CNTN5: variants seen among roughly 807,000 people sequenced by gnomAD.
The protein encoded by CNTN5 is contactin-5.
Under a neutral mutation model 129.1 loss-of-function variants are expected in CNTN5, and 77 were observed. The observed-to-expected ratio is 0.60, with a 90% CI of 0.50 to 0.72. The LOEUF (loss-of-function observed/expected upper bound fraction) is 0.72. Among genes scored for constraint, CNTN5 ranks in the 30% least tolerant of loss-of-function variants. The pLI is 0.00. For missense variants in CNTN5, 1,478 were observed against 1,328.8 expected, an observed-to-expected ratio of 1.11 and a Z score of -1.75; for synonymous variants, 509 against 465.6, an observed-to-expected ratio of 1.09 and a Z score of -1.20.
At chr11:99,183,469 A>G (rs1235298342) in intron 1 of CNTN5, among the ~76,000 whole-genome samples, 2 of 152,062 alleles carry the variant, frequency 1.3e-5, no homozygotes, top group African/African-American at 2.4e-5. Flanking sequence ...ACTCAAACCC[A>G]TGGTACATTG....
At chr11:99,651,878 T>C (rs1952170145) in intron 3 of CNTN5, among the ~76,000 whole-genome samples, 1 of 151,976 alleles carries the variant, frequency 6.6e-6, no homozygotes, top group Admixed American at 6.6e-5. Flanking sequence ...AGAAAATGGA[T>C]AAGATTTCAT....
At chr11:99,055,946 C>T (rs1864608242) in intron 1 of CNTN5, among the ~76,000 whole-genome samples, 1 of 151,892 alleles carries the variant, frequency 6.6e-6, no homozygotes, top group Non-Finnish European at 1.5e-5. Context: ...AATTTCAAGG[C>T]TTGCATGCTT....
intron 13 of CNTN5, among the ~76,000 whole-genome samples, chr11:100,187,061 A>G (rs924143992): frequency 6.6e-6 from 1 of 152,096 alleles, no homozygotes; most frequent in African/African-American, 2.4e-5. Flanking sequence ...TGTGTCTTCT[A>G]TTACCTCTTT....
chr11:99,431,941 G>A (rs1943386085), intron 2 of CNTN5, among the ~76,000 whole-genome samples: 1 of 152,004 alleles, frequency 6.6e-6, no homozygotes, highest in South Asian at 2.1e-4. Flanking sequence ...CAAGAGGGAG[G>A]GTATGGTCAC....
chr11:99,048,301 A>C (rs12576805), intron 1 of CNTN5, among the ~76,000 whole-genome samples: 11,967 of 152,166 alleles, frequency 0.079, 874 homozygotes, highest in East Asian at 0.23. Flanking sequence ...AACCTAAGAC[A>C]GAACAAGGGT....
chr11:100,331,240 G>A (rs942931747), intron 21 of CNTN5, among the ~76,000 whole-genome samples: 2 of 151,924 alleles, frequency 1.3e-5, no homozygotes, highest in Admixed American at 6.6e-5. Flanking sequence ...GACAAAGAGG[G>A]ATATTATATA....
chr11:99,269,032 G>A (rs76089110), intron 1 of CNTN5, among the ~76,000 whole-genome samples: 99 of 151,998 alleles, frequency 6.5e-4, no homozygotes, highest in African/African-American at 2.3e-3. Context: ...GTATTTCCTG[G>A]CAGAGAGACA....
chr11:99,367,922 C>T (rs1199798362), intron 2 of CNTN5, among the ~76,000 whole-genome samples: 1 of 152,054 alleles, frequency 6.6e-6, no homozygotes, highest in Admixed American at 6.6e-5. Context: ...ATGGACTTGG[C>T]TTTTTGTTAA....
At chr11:99,653,678 A>T (rs1158338908) in intron 3 of CNTN5, among the ~76,000 whole-genome samples, 2 of 152,010 alleles carry the variant, frequency 1.3e-5, no homozygotes, top group Admixed American at 6.6e-5. Context: ...TTTACATGTA[A>T]TATATGTGAA....
chr11:100,122,992 GT>G (rs756732798), intron 13 of CNTN5, among the ~76,000 whole-genome samples: 1 of 152,066 alleles, frequency 6.6e-6, no homozygotes, highest in Non-Finnish European at 1.5e-5. Context: ...TGCTGTGTGT[GT>G]AGATGTGGGG....
At position 100,356,185 on chromosome 11, in the gene CNTN5, C is replaced by A. The variant is rs1442287435; in HGVS notation, c.3268C>A (p.Leu1090Ile). Residue 1090 changes from leucine (L) to isoleucine (I), a missense_variant, in exon 25 of 25, where the codon CTC becomes ATC. Transcript: ENST00000524871. The part of the protein sequence containing the change: ...LSTSSSSVTL[L>I]LALMIPSTSW ...CACATCTTCGTCATCAGTCACCTTG[C>A]TCTTGGCATTGATGATTCCTTCAAC... is the stretch of plus-strand genomic sequence containing the variant. 1 of 1,610,182 alleles carries A rather than the reference C, an allele frequency of 6.2e-7. No individual in the cohort carries two copies. The highest frequency in any genetic ancestry group is 1.7e-5 in the Admixed American group (1 of 59,618).
chr11:100,042,048 G>A (rs186954630), intron 9 of CNTN5, among the ~76,000 whole-genome samples: 1 of 152,190 alleles, frequency 6.6e-6, no homozygotes, highest in Non-Finnish European at 1.5e-5. Context: ...CGACAATGTG[G>A]TCCCCTGCCT....
chr11:99,471,777 T>G (rs1171031186), intron 2 of CNTN5, among the ~76,000 whole-genome samples: 1 of 152,068 alleles, frequency 6.6e-6, no homozygotes, highest in Non-Finnish European at 1.5e-5. Flanking sequence ...ACATTCCCTA[T>G]CATGATAGTA....
intron 21 of CNTN5, chr11:100,337,609 C>T: frequency 1.4e-6 from 1 of 719,988 alleles, no homozygotes; most frequent in Non-Finnish European, 2.6e-6. Context: ...CATTTTAAAT[C>T]CACAGATGCA....
intron 8 of CNTN5, among the ~76,000 whole-genome samples, chr11:99,972,065 C>T (rs1327137010): frequency 5.0e-5 from 6 of 119,308 alleles, no homozygotes; most frequent in Admixed American, 1.1e-4. Flanking sequence ...CTGGCTAACA[C>T]GGTGAAAACT....
At chr11:100,020,781 A>G (rs1030720261) in intron 9 of CNTN5, among the ~76,000 whole-genome samples, 3 of 152,154 alleles carry the variant, frequency 2.0e-5, no homozygotes, top group African/African-American at 7.2e-5. Flanking sequence ...GTACACTAAC[A>G]ACAAAGTATC....
intron 2 of CNTN5, among the ~76,000 whole-genome samples, chr11:99,543,428 C>T (rs555334187): frequency 6.1e-4 from 93 of 152,218 alleles, no homozygotes; most frequent in African/African-American, 2.1e-3. Context: ...GGTGGCTTTG[C>T]TGACCATCAC....
intron 3 of CNTN5, among the ~76,000 whole-genome samples, chr11:99,640,018 C>G (rs1832547457): frequency 6.6e-6 from 1 of 152,154 alleles, no homozygotes; most frequent in African/African-American, 2.4e-5. Flanking sequence ...ACCTCTGCTT[C>G]AGCTCCCAGG....
chr11:99,571,978 T>A (rs1002126715), intron 3 of CNTN5, among the ~76,000 whole-genome samples: 1 of 152,226 alleles, frequency 6.6e-6, no homozygotes, highest in African/African-American at 2.4e-5. Flanking sequence ...TATCCTGCTC[T>A]AATCTTAATG....
Sources: gnomAD v4.1 joint callset for allele counts (sites outside exome capture counted in the v4.1 genomes callset) on GRCh38, gnomAD v4.1.1 for gene constraint, MANE v1.5 for transcripts, NCBI Gene and HGNC (gene_info 2026-07-23, HGNC 2026-07-21) for gene names.